Variants in MFAP4 observed in about 807,000 individuals in gnomAD.
MFAP4 encodes microfibril-associated glycoprotein 4.
A neutral mutation model predicts 32.4 loss-of-function variants in MFAP4; 20 were observed. That is an observed-to-expected ratio of 0.62 (90% CI 0.43 to 0.90). The LOEUF (loss-of-function observed/expected upper bound fraction) is 0.90. Ranked by LOEUF, MFAP4 falls within the 40% of genes least tolerant of loss-of-function variation. The pLI is 0.00. For synonymous variants in MFAP4, 146 were observed against 137.4 expected (o/e 1.06, Z -0.44); for missense variants, 267 against 329.5 (o/e 0.81, Z 1.47).
intron 1 of MFAP4, 74 bp from the exon 2 acceptor site, chr17:19,386,912 C>T: frequency 8.1e-6 from 12 of 1,486,088 alleles, no homozygotes; most frequent in Non-Finnish European, 1.1e-5. Context: ...TGCATTTGCC[C>T]CCACCATGCA....
Position 19,384,419 on chromosome 17 carries a change from A to C in MFAP4, c.*43T>G. 6.5e-7 allele frequency: 1 copy of C among 1,544,520 alleles called. No homozygotes were observed. The highest frequency in any genetic ancestry group is 8.8e-7 in the Non-Finnish European group (1 of 1,142,364). On this transcript the variant is annotated 3_prime_UTR_variant, in exon 6 of 6. Transcript: ENST00000299610. ...AGCAGAGGGAGCACTCATGGAGACC[A>C]TGGGTGTCCAGGGGAGGAAAGGTGC...
In MFAP4 at chr17:19,384,179, C is replaced by T. The variant is rs1196764785; in HGVS notation, c.*283G>A. On this transcript the variant is annotated 3_prime_UTR_variant, in exon 6 of 6. Coordinates refer to ENST00000299610, the MANE Select transcript of MFAP4 (RefSeq NM_002404.3). Reference sequence around the variant, plus strand: ...TGGGACAGGTTGGAGGCAACTCATTCTCATGGAGCCCAGCCAGGTCCAGGC... The same window carrying T: ...TGGGACAGGTTGGAGGCAACTCATTTTCATGGAGCCCAGCCAGGTCCAGGC... 1 of 427,938 alleles carries T rather than the reference C, an allele frequency of 2.3e-6. No individual in the cohort carries two copies. Among genetic ancestry groups the T allele is most frequent in the East Asian group, 4.6e-5 (1 of 21,826 alleles). 26.5% of individuals were successfully genotyped at this position (427,938 alleles called of 1,614,324 possible). A position where few individuals can be genotyped will look rare whatever the true frequency, so the allele number is the denominator to read the frequency against.
In MFAP4 at chr17:19,387,149, C is replaced by A. The variant is rs748643148; in HGVS notation, c.6+1G>T. ...GAGTCCCCCGACCCTGGGCCCCGTACCTTCATGCTGTCAGTTCTGCTCAGA... is the reference window on the plus strand; with the variant it reads ...GAGTCCCCCGACCCTGGGCCCCGTAACTTCATGCTGTCAGTTCTGCTCAGA... On this transcript the variant is annotated splice_donor_variant, in intron 1 of 5. Transcript: ENST00000299610. LOFTEE classifies it high-confidence loss of function. 3.1e-6 allele frequency: 5 copies of A among 1,608,602 alleles called. No homozygotes were observed. Among genetic ancestry groups the A allele is most frequent in the Non-Finnish European group, 4.2e-6 (5 of 1,176,736 alleles).
In MFAP4 at chr17:19,383,471, T is replaced by C. The variant is rs566157592; in HGVS notation, c.*991A>G. The C allele has an allele frequency of 1.7e-5, 6 of 354,486 alleles. No individual in the cohort carries two copies. The Admixed American group carries it at 2.3e-4, about 13-fold the overall frequency. The allele number at this position is 354,486 out of a possible 1,614,324, so 22.0% of individuals were successfully genotyped here. On this transcript the variant is annotated 3_prime_UTR_variant, in exon 6 of 6. Transcript: ENST00000299610. ...TTTCAGTATTATATTTTTATTATTA[T>C]TATGTTATTATTACACTGTCTTTTT... is the stretch of plus-strand genomic sequence containing the variant.
chr17:19,384,231 C>T lies in MFAP4; in HGVS notation c.*231G>A, dbSNP rs1025909469. The T allele has an allele frequency of 3.6e-6, 2 of 550,470 alleles. No individual in the cohort carries two copies. The highest frequency in any genetic ancestry group is 1.9e-5 in the African/African-American group (1 of 52,794). The allele number at this position is 550,470 out of a possible 1,614,324, so 34.1% of individuals were successfully genotyped here. On this transcript the variant is annotated 3_prime_UTR_variant, in exon 6 of 6. Transcript: ENST00000299610. ...AGAACCATGTGCCTCTCGGAAGAGG[C>T]CTGGGGAACTGCTGGCAGTGTAACT... is the stretch of plus-strand genomic sequence containing the variant.
At position 19,385,105 on chromosome 17, in the gene MFAP4, C is replaced by T. The variant is rs775234739; in HGVS notation, c.514G>A (p.Gly172Arg). The T allele has an allele frequency of 9.9e-6, 16 of 1,613,542 alleles. No homozygotes were observed. Among genetic ancestry groups the T allele is most frequent in the Non-Finnish European group, 1.4e-5 (16 of 1,179,564 alleles). The change falls in exon 5 of 6, where the codon GGG becomes AGG. Residue 172 changes from glycine (G) to arginine (R), a missense_variant. Gly to Arg is a moderately radical substitution (Grantham distance 125). Coordinates refer to ENST00000299610, the MANE Select transcript of MFAP4 (RefSeq NM_002404.3). Reference sequence around the variant, plus strand: ...AGCTAACAGCGGGTTATACCTGCCCCGCCATCCTCAAAGCCTGCCACAAAG... The same window carrying T: ...AGCTAACAGCGGGTTATACCTGCCCTGCCATCCTCAAAGCCTGCCACAAAG... ...TLFVAGFEDG[G>R]AGDSLSYHSG... is the part of the protein sequence containing the mutation.
chr17:19,385,509 G>T, intron 3 of MFAP4, 55 bp from the exon 4 acceptor site: 1 of 1,521,252 alleles, frequency 6.6e-7, no homozygotes, highest in Non-Finnish European at 9.1e-7. Context: ...CAAGGTTCTG[G>T]TCCTGCCCTG....
At chr17:19,386,865 C>A (rs1203470289) in intron 1 of MFAP4, 27 bp from the exon 2 acceptor site, 1 of 1,549,290 alleles carries the variant, frequency 6.5e-7, no homozygotes, top group Non-Finnish European at 8.7e-7. Flanking sequence ...AGGGTCAGCA[C>A]AGCCCCTTCC....
chr17:19,386,351 G>A lies in MFAP4; in HGVS notation c.199C>T (p.Pro67Ser). Residue 67 changes from proline (P) to serine (S), a missense_variant, in exon 3 of 6, where the codon CCC (proline) becomes TCC (serine). Physicochemically the swap from Pro to Ser is moderately conservative, Grantham distance 74. Transcript: ENST00000299610. ...TCGGTGGTCATGTCACAGAAGACGG[G>A]CACAGGCACACTGGGGCCCGAGGGG... Reference protein sequence around the residue: ...IYPSGPSVPVPVFCDMTTEGG... With the variant: ...IYPSGPSVPVSVFCDMTTEGG... 1.2e-6 allele frequency: 2 copies of A among 1,612,856 alleles called. No individual in the cohort carries two copies. Among genetic ancestry groups the A allele is most frequent in the Non-Finnish European group, 8.5e-7 (1 of 1,179,546 alleles).
At chr17:19,384,812 G>T (rs1912962741) in intron 5 of MFAP4, 103 bp from the exon 6 acceptor site, 2 of 1,510,286 alleles carry the variant, frequency 1.3e-6, no homozygotes, top group Non-Finnish European at 1.8e-6. Flanking sequence ...TCACGTGGCA[G>T]CCTGGCGGGA....
At chr17:19,386,977 G>GGGGGCCCCCCCCCCCCCCCC in intron 1 of MFAP4, 139 bp from the exon 2 acceptor site, 1 of 689,442 alleles carries the variant, frequency 1.5e-6, no homozygotes, top group African/African-American at 2.4e-5. Context: ...CCTCTTCCCT[G>GGGGGCCCCCCCCCCCCCCCC]CCCCCCCACC....
At position 19,386,748 on chromosome 17, in the gene MFAP4, G is replaced by A; in HGVS notation, c.85+12C>T. The A allele has an allele frequency of 1.3e-6, 2 of 1,565,458 alleles. No homozygotes were observed. The highest frequency in any genetic ancestry group is 1.7e-6 in the Non-Finnish European group (2 of 1,154,904). The stretch of plus-strand genomic sequence containing the variant: ...TGGGCCAGGCCGCGTCTGTGAGTGT[G>A]GGGCTGCTTACCATCTCCTCGGATC... On this transcript the variant is annotated intron_variant, in intron 2 of 5. Transcript: ENST00000299610.
At position 19,384,672 on chromosome 17, in the gene MFAP4, A is replaced by G. The variant is rs769238303; in HGVS notation, c.558T>C (p.Ser186=). 6.2e-7 allele frequency: 1 copy of G among 1,614,146 alleles called. No homozygotes were observed. Residue 186 remains serine (S), a synonymous_variant, in exon 6 of 6, where the codon TCT becomes TCC. Transcript: ENST00000299610. ...AGAGGTCCTGGTCCCGGTCGAAGGTAGAGAACTTCTGGCCACTGTGGTAGG... is the reference window on the plus strand; with the variant it reads ...AGAGGTCCTGGTCCCGGTCGAAGGTGGAGAACTTCTGGCCACTGTGGTAGG... ...SLSYHSGQKF[S]TFDRDQDLFV... is the part of the protein sequence containing the mutation.
intron 1 of MFAP4, 139 bp from the exon 2 acceptor site, chr17:19,386,977 G>GCCCCCCCCCCCCCCCCCCCCCCCCC: frequency 2.9e-6 from 2 of 689,460 alleles, no homozygotes; most frequent in South Asian, 1.8e-5. Flanking sequence ...CCTCTTCCCT[G>GCCCCCCCCCCCCCCCCCCCCCCCCC]CCCCCCCACC....
intron 1 of MFAP4, 134 bp from the exon 2 acceptor site, chr17:19,386,972 T>TACCAGGCCCCCCCCCCC: frequency 1.1e-6 from 1 of 937,012 alleles, no homozygotes; most frequent in Non-Finnish European, 1.7e-6. Flanking sequence ...TGGCCCCTCT[T>TACCAGGCCCCCCCCCCC]CCCTGCCCCC....
At chr17:19,386,203 T>C in intron 3 of MFAP4, 107 bp downstream of exon 3, 2 of 1,019,576 alleles carry the variant, frequency 2.0e-6, no homozygotes, top group East Asian at 2.6e-5. Flanking sequence ...TGGGTATCAT[T>C]ATCCCCATTT....
rs776261188 is a variant in MFAP4, at chr17:19,384,687, A to G, written c.543T>C (p.Ser181=). 10 of 1,614,140 alleles carry G rather than the reference A, an allele frequency of 6.2e-6. No individual in the cohort carries two copies. In the South Asian group the frequency reaches 9.9e-5, roughly 16 times the overall value. The stretch of plus-strand genomic sequence containing the variant: ...GGTCGAAGGTAGAGAACTTCTGGCC[A>G]CTGTGGTAGGACAGGGAGTCACCTG... ...GGAGDSLSYH[S]GQKFSTFDRD... is the part of the protein sequence containing the mutation. Residue 181 remains serine, a synonymous_variant, in exon 6 of 6, where the codon AGT becomes AGC. Coordinates refer to ENST00000299610, the MANE Select transcript of MFAP4 (RefSeq NM_002404.3).
intron 3 of MFAP4, among the ~76,000 whole-genome samples, chr17:19,385,706 G>A (rs1274168983): frequency 6.6e-6 from 1 of 152,250 alleles, no homozygotes; most frequent in African/African-American, 2.4e-5. Context: ...CAGGAAAGAG[G>A]CTAAGAGGGA....
chr17:19,386,856 G>C lies in MFAP4; in HGVS notation c.7-18C>G. The C allele has an allele frequency of 6.4e-7, 1 of 1,553,948 alleles. No homozygotes were observed. The highest frequency in any genetic ancestry group is 8.7e-7 in the Non-Finnish European group (1 of 1,148,326). ...AGGAGTGCCTGGCGATGGGCAGACA[G>C]GGTCAGCACAGCCCCTTCCCAGCTC... On this transcript the variant is annotated intron_variant, in intron 1 of 5. Coordinates refer to ENST00000299610, the MANE Select transcript of MFAP4 (RefSeq NM_002404.3).
Sources: allele counts gnomAD v4.1 joint callset (sites outside exome capture counted in the v4.1 genomes callset), GRCh38; gene constraint gnomAD v4.1.1; transcripts MANE v1.5; gene names NCBI Gene and HGNC (gene_info 2026-07-23, HGNC 2026-07-21).